The following TATDN3 variants were observed in gnomAD, a reference collection of about 807,000 sequenced individuals.
The protein encoded by TATDN3 is deoxyribonuclease TATDN3.
In TATDN3, 29 loss-of-function variants were observed where a neutral mutation model predicts 40.1. That is an observed-to-expected ratio of 0.72 (90% confidence interval 0.54 to 0.99). The LOEUF is 0.99. Among genes scored for constraint, TATDN3 ranks in the 50% least tolerant of loss-of-function variants. The probability of loss-of-function intolerance (pLI) is 0.00; values close to 1 mark genes in which losing one functional copy is unlikely to be tolerated. For synonymous variants in TATDN3, 105 were observed against 117.0 expected, an observed-to-expected ratio of 0.90 and a Z score of 0.66; for missense variants, 309 against 321.9, an observed-to-expected ratio of 0.96 and a Z score of 0.31.
In TATDN3 at chr1:212,812,301, T is replaced by C. The variant is rs1370537309; in HGVS notation, c.654T>C (p.Asp218=). ...LPLTSICLET[D]SPALGPEKQV... ...TAACTTCTATATGCTTAGAAACAGATTCACCTGCACTAGGACCAGAAAAAC... is the reference window on the plus strand; with the variant it reads ...TAACTTCTATATGCTTAGAAACAGACTCACCTGCACTAGGACCAGAAAAAC... Residue 218 remains aspartate, a synonymous_variant, in exon 9 of 10, where the codon GAT becomes GAC. Transcript: ENST00000366974. The C allele has an allele frequency of 6.3e-7, 1 of 1,576,600 alleles. No individual in the cohort carries two copies. Among genetic ancestry groups the C allele is most frequent in the Non-Finnish European group, 8.6e-7 (1 of 1,163,650 alleles).
chr1:212,801,318 T>A (rs1662166564), intron 4 of TATDN3, among the ~76,000 whole-genome samples: 3 of 152,056 alleles, frequency 2.0e-5, no homozygotes, highest in Admixed American at 6.6e-5. Context: ...TATAAATATG[T>A]TTACATCTAC....
rs1314311205 is a variant in TATDN3 at position 212,804,345 on chromosome 1, T to G, written c.347T>G (p.Phe116Cys). The G allele has an allele frequency of 3.1e-6, 5 of 1,613,904 alleles. No individual in the cohort carries two copies. The highest frequency in any genetic ancestry group is 4.2e-6 in the Non-Finnish European group (5 of 1,179,958). ...GTTGGACTAGATTTCTCCCCCAGATTTGCTGGCACTGGTGAACAGAAGGAA... is the reference window on the plus strand; with the variant it reads ...GTTGGACTAGATTTCTCCCCCAGATGTGCTGGCACTGGTGAACAGAAGGAA... ...GEVGLDFSPR[F>C]AGTGEQKEEQ... Residue 116 changes from phenylalanine to cysteine, a missense_variant, in exon 6 of 10, where the codon TTT (phenylalanine) becomes TGT (cysteine). Transcript: ENST00000366974.
chr1:212,796,472 T>C (rs1365437297), intron 2 of TATDN3, 45 bp from the exon 3 acceptor site: 1 of 1,374,966 alleles, frequency 7.3e-7, no homozygotes, highest in Non-Finnish European at 9.6e-7. Context: ...ATAATTTATA[T>C]TAAATGTATA....
At chr1:212,808,354 C>T (rs1451849692) in intron 8 of TATDN3, among the ~76,000 whole-genome samples, 3 of 150,974 alleles carry the variant, frequency 2.0e-5, no homozygotes, top group Non-Finnish European at 4.4e-5. Context: ...GGAAAACAGG[C>T]CTTAATTTGT....
At chr1:212,797,451 G>T in intron 4 of TATDN3, 1 of 395,006 alleles carries the variant, frequency 2.5e-6, no homozygotes, top group Non-Finnish European at 4.6e-6. Flanking sequence ...TAGAAAATGA[G>T]GATTATAAAG....
At chr1:212,806,811 T>A (rs1376190658) in intron 7 of TATDN3, among the ~76,000 whole-genome samples, 1 of 116,750 alleles carries the variant, frequency 8.6e-6, no homozygotes, top group African/African-American at 3.2e-5. Context: ...TATATACACA[T>A]ATATACACAT....
intron 4 of TATDN3, among the ~76,000 whole-genome samples, chr1:212,802,346 A>G (rs2102451521): frequency 6.6e-6 from 1 of 152,330 alleles, no homozygotes; most frequent in Non-Finnish European, 1.5e-5. Flanking sequence ...CAAAGCTCAC[A>G]TGCAGAGATG....
chr1:212,815,594 G>T lies in TATDN3; in HGVS notation c.*438G>T, dbSNP rs1663141016. ...GCTGGAGTGCAATGGCACGATCTTG[G>T]CTCACTGCAACCTCCACTTCCCAGG... is the stretch of plus-strand genomic sequence containing the variant. On this transcript the variant is annotated 3_prime_UTR_variant, in exon 10 of 10. Transcript: ENST00000366974. 6.5e-6 allele frequency: 1 copy of T among 154,148 alleles called. No individual in the cohort carries two copies. The highest frequency in any genetic ancestry group is 1.9e-4 in the East Asian group (1 of 5,276). 9.5% of individuals were successfully genotyped at this position (154,148 alleles called of 1,614,324 possible).
intron 3 of TATDN3, 37 bp from the exon 4 acceptor site, chr1:212,797,075 A>G (rs1661816435): frequency 2.7e-6 from 4 of 1,490,698 alleles, no homozygotes; most frequent in Non-Finnish European, 3.7e-6. Flanking sequence ...CTACTAGTCT[A>G]CTGTTCCTGC....
rs1047457466 is a variant in TATDN3 at position 212,815,634 on chromosome 1, C to G, written c.*478C>G. The stretch of plus-strand genomic sequence containing the variant: ...CACTTCCCAGGTTCTAGCGAGTCTC[C>G]TCCCTCAGCCTCCCAAGTAGCTGGG... On this transcript the variant is annotated 3_prime_UTR_variant, in exon 10 of 10. Transcript: ENST00000366974. 39 of 152,832 alleles carry G rather than the reference C, an allele frequency of 2.6e-4. No homozygotes were observed. Among genetic ancestry groups the G allele is most frequent in the African/African-American group, 8.2e-4 (34 of 41,456 alleles). The allele number at this position is 152,832 out of a possible 1,614,324, so 9.5% of individuals were successfully genotyped here. A position where few individuals can be genotyped will look rare whatever the true frequency, so the allele number is the denominator to read the frequency against.
At chr1:212,807,669 C>T in intron 7 of TATDN3, 67 bp from the exon 8 acceptor site, 1 of 1,260,732 alleles carries the variant, frequency 7.9e-7, no homozygotes. Flanking sequence ...AAATTTCAGA[C>T]TTCTGTTATT....
At chr1:212,813,902 A>G (rs1433931068) in intron 9 of TATDN3, among the ~76,000 whole-genome samples, 1 of 151,704 alleles carries the variant, frequency 6.6e-6, no homozygotes, top group Non-Finnish European at 1.5e-5. Context: ...GTGCACATAT[A>G]TTTCATAAAA....
At chr1:212,812,975 C>T (rs1159137674) in intron 9 of TATDN3, among the ~76,000 whole-genome samples, 3 of 151,886 alleles carry the variant, frequency 2.0e-5, no homozygotes, top group Non-Finnish European at 2.9e-5. Context: ...CCATTGCACC[C>T]CAGCCTGGGC....
intron 3 of TATDN3, chr1:212,796,899 C>T: frequency 2.0e-6 from 1 of 506,900 alleles, no homozygotes; most frequent in Admixed American, 3.5e-5. Flanking sequence ...CCAGGCCTGG[C>T]TAATTTTTAT....
chr1:212,806,747 CATATATATATATATATAT>C lies in TATDN3; in HGVS notation c.488-969_488-952del, dbSNP rs71495077. Among the ~76,000 whole-genome samples, 11 of 43,988 alleles carry C rather than the reference CATATATATATATATATAT, an allele frequency of 2.5e-4. 1 individual carries two copies. Among genetic ancestry groups the C allele is most frequent in the Admixed American group, 3.7e-4 (1 of 2,680 alleles). The allele number at this position is 43,988 out of a possible 152,430, so 28.9% of individuals were successfully genotyped here. ...TTTATTCTCTCTCTCTCTCTCTCTC[CATATATATATATATATAT>C]ATATATATATATATATATACACACA... is the stretch of plus-strand genomic sequence containing the variant. On this transcript the variant is annotated intron_variant, in intron 7 of 9. Transcript: ENST00000366974.
intron 7 of TATDN3, 31 bp from the exon 8 acceptor site, chr1:212,807,705 G>T: frequency 6.6e-7 from 1 of 1,518,386 alleles, no homozygotes; most frequent in African/African-American, 1.4e-5. Flanking sequence ...GACATAAAAT[G>T]GAATACTGCC....
At chr1:212,804,509 C>T in intron 6 of TATDN3, 80 bp downstream of exon 6, 7 of 1,543,620 alleles carry the variant, frequency 4.5e-6, no homozygotes, top group Non-Finnish European at 6.2e-6. Flanking sequence ...TGGAACTCTA[C>T]ATTTATTTTT....
At chr1:212,796,270 C>CT (rs1661749944) in intron 2 of TATDN3, among the ~76,000 whole-genome samples, 1 of 152,196 alleles carries the variant, frequency 6.6e-6, no homozygotes, top group Non-Finnish European at 1.5e-5. Context: ...ATCCAAAACT[C>CT]TGTCTCCTGA....
chr1:212,802,857 G>C, intron 5 of TATDN3, 94 bp downstream of exon 5: 1 of 856,710 alleles, frequency 1.2e-6, no homozygotes, highest in Non-Finnish European at 1.9e-6. Context: ...GATTATAACT[G>C]ACTTGTATAA....
Sources: allele counts gnomAD v4.1 joint callset (sites outside exome capture counted in the v4.1 genomes callset), GRCh38; gene constraint gnomAD v4.1.1; transcripts MANE v1.5; gene names NCBI Gene and HGNC (gene_info 2026-07-23, HGNC 2026-07-21).